Variants in GALNTL6 observed in about 807,000 individuals in gnomAD.
GALNTL6 encodes the protein polypeptide N-acetylgalactosaminyltransferase like 6.
GALNTL6 carries 46 observed loss-of-function variants against 73.7 expected under a neutral mutation model. That is an observed-to-expected ratio of 0.62 (90% CI 0.49 to 0.80). The LOEUF (loss-of-function observed/expected upper bound fraction) is 0.80. Ranked by LOEUF, GALNTL6 falls within the 30% of genes least tolerant of loss-of-function variation. GALNTL6 has a pLI of 0.00. For missense variants in GALNTL6, 604 were observed against 755.0 expected, an observed-to-expected ratio of 0.80 and a Z score of 2.34; for synonymous variants, 259 against 263.7, an observed-to-expected ratio of 0.98 and a Z score of 0.17.
At chr4:172,170,006 A>G (rs1012785305) in intron 2 of GALNTL6, among the ~76,000 whole-genome samples, 5 of 152,222 alleles carry the variant, frequency 3.3e-5, no homozygotes, top group African/African-American at 1.2e-4. Context: ...CTCAACCAAT[A>G]TCACATTACT....
At chr4:172,760,778 C>T (rs1430402274) in intron 5 of GALNTL6, among the ~76,000 whole-genome samples, 2 of 152,164 alleles carry the variant, frequency 1.3e-5, no homozygotes, top group Non-Finnish European at 2.9e-5. Flanking sequence ...GACTACCCCC[C>T]ACAATGTGGG....
At chr4:171,887,803 C>T (rs980341448) in intron 2 of GALNTL6, among the ~76,000 whole-genome samples, 1 of 152,064 alleles carries the variant, frequency 6.6e-6, no homozygotes, top group Non-Finnish European at 1.5e-5. Flanking sequence ...ACATATAATT[C>T]TTTTCTGGAA....
chr4:172,610,810 G>A (rs117129643), intron 5 of GALNTL6, among the ~76,000 whole-genome samples: 2,270 of 152,192 alleles, frequency 0.015, 46 homozygotes, highest in South Asian at 0.085. Flanking sequence ...CTATTATTGT[G>A]TGGGAGTCTA....
In GALNTL6 at chr4:172,597,318, A is replaced by G. The variant is rs982431938; in HGVS notation, c.554-212043A>G. ...TGATTCTATAAATTGCATTCTATCA[A>G]ATTACTATAGTGGAGCCTGTGATAT... is the stretch of plus-strand genomic sequence containing the variant. On this transcript the variant is annotated intron_variant, in intron 5 of 12. Transcript: ENST00000506823. Among the ~76,000 whole-genome samples the G allele has an allele frequency of 2.0e-5, 3 of 152,146 alleles. No individual in the cohort carries two copies. In the South Asian group the frequency reaches 6.2e-4, roughly 32 times the overall value.
chr4:172,038,546 T>C (rs1156746630), intron 2 of GALNTL6, among the ~76,000 whole-genome samples: 1 of 152,194 alleles, frequency 6.6e-6, no homozygotes, highest in Non-Finnish European at 1.5e-5. Context: ...AGAGTAATTA[T>C]GTGAAGTAAA....
rs536411565 is a variant in GALNTL6 at position 172,174,531 on chromosome 4, T to C, written c.139-55125T>C. ...GAAATTTAGAATAACATATATCCTA[T>C]ATATTAACTATAGAAAAATATGAAA... On this transcript the variant is annotated intron_variant, in intron 2 of 12. Coordinates refer to ENST00000506823, the MANE Select transcript of GALNTL6 (RefSeq NM_001034845.3). Among the ~76,000 whole-genome samples the C allele has an allele frequency of 1.4e-4, 21 of 152,304 alleles. No homozygotes were observed. The South Asian group carries it at 2.9e-3, about 21-fold the overall frequency.
chr4:171,974,063 G>GA (rs1428345707), intron 2 of GALNTL6, among the ~76,000 whole-genome samples: 1 of 151,998 alleles, frequency 6.6e-6, no homozygotes, highest in Non-Finnish European at 1.5e-5. Flanking sequence ...GCAGTGGCGA[G>GA]ATCTCAGCTC....
At chr4:171,975,889 G>T (rs1579023127) in intron 2 of GALNTL6, among the ~76,000 whole-genome samples, 2 of 151,970 alleles carry the variant, frequency 1.3e-5, no homozygotes, top group Non-Finnish European at 2.9e-5. Context: ...GTTGTCAATT[G>T]ACTTCATGCA....
intron 5 of GALNTL6, among the ~76,000 whole-genome samples, chr4:172,551,322 A>T (rs972029119): frequency 5.3e-5 from 8 of 152,260 alleles, no homozygotes; most frequent in Admixed American, 6.5e-5. Flanking sequence ...TCAAACTCCA[A>T]CCAATTACAC....
intron 2 of GALNTL6, among the ~76,000 whole-genome samples, chr4:172,050,671 T>G (rs1197684322): frequency 6.6e-6 from 1 of 152,178 alleles, no homozygotes; most frequent in African/African-American, 2.4e-5. Flanking sequence ...TATCTTTAGT[T>G]TCTAACTTCC....
rs200571948 is a variant in GALNTL6 at position 172,298,297 on chromosome 4, A to G, written c.248-13317A>G. Among the ~76,000 whole-genome samples the G allele has an allele frequency of 7.2e-5, 11 of 152,326 alleles. No individual in the cohort carries two copies. The East Asian group carries it at 1.9e-3, about 27-fold the overall frequency. Reference sequence around the variant, plus strand: ...CTAGATATACAATCATGTCATCTACAAACAGGGACAATTCGACTTCCTCTT... The same window carrying G: ...CTAGATATACAATCATGTCATCTACGAACAGGGACAATTCGACTTCCTCTT... On this transcript the variant is annotated intron_variant, in intron 3 of 12. Coordinates refer to ENST00000506823, the MANE Select transcript of GALNTL6 (RefSeq NM_001034845.3).
intron 5 of GALNTL6, among the ~76,000 whole-genome samples, chr4:172,585,496 A>G (rs1316832104): frequency 1.3e-5 from 2 of 152,146 alleles, no homozygotes; most frequent in African/African-American, 2.4e-5. Flanking sequence ...TATGAGTGAG[A>G]ACATGTGGTG....
intron 2 of GALNTL6, among the ~76,000 whole-genome samples, chr4:171,845,931 A>C (rs776905896): frequency 6.6e-6 from 1 of 152,184 alleles, no homozygotes; most frequent in South Asian, 2.1e-4. Context: ...TCAATGGTAG[A>C]TAAAATTTTC....
chr4:172,643,500 G>C (rs1266862710), intron 5 of GALNTL6, among the ~76,000 whole-genome samples: 5 of 151,900 alleles, frequency 3.3e-5, no homozygotes, highest in Non-Finnish European at 7.4e-5. Context: ...CTATTATTCA[G>C]ATCAAGAATC....
chr4:172,448,220 C>G (rs1243495857), intron 5 of GALNTL6, among the ~76,000 whole-genome samples: 1 of 152,104 alleles, frequency 6.6e-6, no homozygotes, highest in African/African-American at 2.4e-5. Context: ...CTGTGAGATG[C>G]TGTGAGTGAC....
rs564962310 is a variant in GALNTL6 at position 172,395,922 on chromosome 4, T to G, written c.553+47233T>G. Among the ~76,000 whole-genome samples, 5 of 152,290 alleles carry G rather than the reference T, an allele frequency of 3.3e-5. No individual in the cohort carries two copies. The South Asian group carries it at 1.0e-3, about 32-fold the overall frequency. ...GAGTCCCTAAACCTATGGAATTCAC[T>G]GCTTCATTCTCTGACTTCACGCGTA... is the stretch of plus-strand genomic sequence containing the variant. On this transcript the variant is annotated intron_variant, in intron 5 of 12. Transcript: ENST00000506823.
At chr4:172,336,964 A>G (rs761110839) in intron 4 of GALNTL6, among the ~76,000 whole-genome samples, 9 of 152,130 alleles carry the variant, frequency 5.9e-5, no homozygotes, top group Non-Finnish European at 1.0e-4. Context: ...ATAGTTAAGT[A>G]TTATTGTTGA....
intron 2 of GALNTL6, among the ~76,000 whole-genome samples, chr4:172,114,682 T>C (rs1732939769): frequency 6.6e-6 from 1 of 152,082 alleles, no homozygotes; most frequent in African/African-American, 2.4e-5. Context: ...TAATTGTTTT[T>C]AAAAGAAAAA....
intron 9 of GALNTL6, among the ~76,000 whole-genome samples, chr4:172,944,317 A>G (rs1749054986): frequency 6.6e-6 from 1 of 152,262 alleles, no homozygotes; most frequent in South Asian, 2.1e-4. Context: ...AATGATTTGA[A>G]AGACATTTTA....
Sources: allele counts gnomAD v4.1 joint callset (sites outside exome capture counted in the v4.1 genomes callset), GRCh38; gene constraint gnomAD v4.1.1; transcripts MANE v1.5; gene names NCBI Gene and HGNC (gene_info 2026-07-23, HGNC 2026-07-21).